Variants in SPTBN4 observed in about 807,000 individuals in gnomAD.
SPTBN4 encodes spectrin beta, non-erythrocytic 4, also known as spectrin beta chain, non-erythrocytic 4.
SPTBN4 carries 96 observed loss-of-function variants against 277.8 expected under a neutral mutation model. The observed-to-expected ratio is 0.35, with a 90% CI of 0.29 to 0.41. The LOEUF is 0.41. SPTBN4 is among the 10% of genes least tolerant of loss of function. SPTBN4 has a pLI of 1.00. For synonymous variants in SPTBN4, 1,481 were observed against 1,580.3 expected, an observed-to-expected ratio of 0.94 and a Z score of 1.49; for missense variants, 3,006 against 3,595.7, an observed-to-expected ratio of 0.84 and a Z score of 4.19.
At chr19:40,558,498 G>A (rs1376485065) in intron 26 of SPTBN4, among the ~76,000 whole-genome samples, 1 of 152,226 alleles carries the variant, frequency 6.6e-6, no homozygotes, top group Non-Finnish European at 1.5e-5. Context: ...GAATTCGGAT[G>A]TGGATCTGAG....
chr19:40,548,657 G>A (rs2080883393), intron 20 of SPTBN4, among the ~76,000 whole-genome samples: 1 of 151,676 alleles, frequency 6.6e-6, no homozygotes, highest in African/African-American at 2.4e-5. Flanking sequence ...GAAGGTTGCA[G>A]TGAGCCAAGA....
In SPTBN4 at chr19:40,512,763, C is replaced by G; in HGVS notation, c.1974C>G (p.Ser658Arg). ...ALLQELEEAESWARDKERLLE... is the reference protein window; with the variant it reads ...ALLQELEEAERWARDKERLLE... ...TGCAGGAGCTGGAGGAGGCCGAGAG[C>G]TGGGCGCGCGACAAGGAGCGTCTCC... The change falls in exon 14 of 36, where the codon AGC (serine) becomes AGG (arginine). Residue 658 changes from serine to arginine, a missense_variant. Coordinates refer to ENST00000598249, the MANE Select transcript of SPTBN4 (RefSeq NM_020971.3). The G allele has an allele frequency of 6.6e-7, 1 of 1,509,448 alleles. No individual in the cohort carries two copies. Among genetic ancestry groups the G allele is most frequent in the Non-Finnish European group, 8.8e-7 (1 of 1,137,556 alleles). 93.5% of individuals were successfully genotyped at this position (1,509,448 alleles called of 1,614,324 possible).
chr19:40,471,012 T>C (rs1442396022), intron 1 of SPTBN4, among the ~76,000 whole-genome samples: 1 of 151,502 alleles, frequency 6.6e-6, no homozygotes, highest in Non-Finnish European at 1.5e-5. Flanking sequence ...TGCATTGGCA[T>C]GATCTCGGCT....
chr19:40,492,835 C>T, intron 4 of SPTBN4, 128 bp from the exon 5 acceptor site: 1 of 711,572 alleles, frequency 1.4e-6, no homozygotes, highest in Non-Finnish European at 2.4e-6. Flanking sequence ...ACCCCCACCC[C>T]CAGCCAGAAG....
At chr19:40,524,013 G>A (rs1346921147) in intron 17 of SPTBN4, among the ~76,000 whole-genome samples, 1 of 151,844 alleles carries the variant, frequency 6.6e-6, no homozygotes, top group Non-Finnish European at 1.5e-5. Context: ...ATGTTGGCCA[G>A]ACTGGTCTTG....
At chr19:40,543,981 TC>T in intron 20 of SPTBN4, among the ~76,000 whole-genome samples, 1 of 152,328 alleles carries the variant, frequency 6.6e-6, no homozygotes, top group African/African-American at 2.4e-5. Flanking sequence ...TCATCCCTGT[TC>T]CCCATTCATT....
At chr19:40,486,325 A>T (rs913873136) in intron 2 of SPTBN4, among the ~76,000 whole-genome samples, 1 of 151,914 alleles carries the variant, frequency 6.6e-6, no homozygotes, top group Non-Finnish European at 1.5e-5. Context: ...GGAAACAGCA[A>T]GTGTTGGCAA....
In SPTBN4 at chr19:40,506,369, G is replaced by A. The variant is rs373136536; in HGVS notation, c.1799G>A (p.Arg600His). The A allele has an allele frequency of 2.8e-5, 45 of 1,612,260 alleles. No individual in the cohort carries two copies. Among genetic ancestry groups the A allele is most frequent in the South Asian group, 8.8e-5 (8 of 90,840 alleles). The change falls in exon 13 of 36, where the codon CGC becomes CAC. Residue 600 changes from arginine to histidine, a missense_variant. Physicochemically the swap from Arg to His is conservative, Grantham distance 29. Coordinates refer to ENST00000598249, the MANE Select transcript of SPTBN4 (RefSeq NM_020971.3). ...GAGGCTCTCAATGCCGCTGCCCTGC[G>A]CTTCTCCCAGCTGCAGGGTGAGTCT... ...RVEALNAAALRFSQLQGYQPC... is the reference protein window; with the variant it reads ...RVEALNAAALHFSQLQGYQPC...
At chr19:40,565,348 C>G (rs2081081158) in intron 27 of SPTBN4, 75 bp from the exon 28 acceptor site, 1 of 1,531,756 alleles carries the variant, frequency 6.5e-7, no homozygotes, top group Non-Finnish European at 8.8e-7. Context: ...GATTTGGGGT[C>G]ACCAGGAGCC....
intron 30 of SPTBN4, chr19:40,566,985 A>C (rs1231867509): frequency 1.1e-5 from 3 of 269,832 alleles, no homozygotes; most frequent in Non-Finnish European, 2.3e-5. Flanking sequence ...AAAAAAAAAC[A>C]ACAAAAAAAA....
At chr19:40,565,318 T>G (rs2081080859) in intron 27 of SPTBN4, 105 bp from the exon 28 acceptor site, 3 of 1,313,768 alleles carry the variant, frequency 2.3e-6, no homozygotes, top group Non-Finnish European at 3.2e-6. Flanking sequence ...CTTGAGGTGG[T>G]ATGGGATGTC....
In SPTBN4 at chr19:40,512,672, A is replaced by G; in HGVS notation, c.1883A>G (p.Glu628Gly). 2 of 1,533,764 alleles carry G rather than the reference A, an allele frequency of 1.3e-6. No individual in the cohort carries two copies. Among genetic ancestry groups the G allele is most frequent in the Non-Finnish European group, 1.7e-6 (2 of 1,147,090 alleles). ...AACCACGTGCACGGCTGCCTGGCGG[A>G]GCTGCAGGAGCAGGCAGCGCGGCGA... ...RVNHVHGCLA[E>G]LQEQAARRRA... Residue 628 changes from glutamate (E) to glycine (G), a missense_variant, in exon 14 of 36, where the codon GAG (glutamate) becomes GGG (glycine). Physicochemically the swap from Glu to Gly is moderately conservative, Grantham distance 98. Around this residue, in one of 5 missense-constraint regions of SPTBN4, gnomAD observed 1,759 missense variants for 2,061.5 expected, o/e 0.85. Transcript: ENST00000598249.
chr19:40,490,090 G>T lies in SPTBN4; in HGVS notation c.337G>T (p.Gly113Cys), dbSNP rs2080120318. 6.2e-7 allele frequency: 1 copy of T among 1,610,784 alleles called. No individual in the cohort carries two copies. Among genetic ancestry groups the T allele is most frequent in the African/African-American group, 1.3e-5 (1 of 74,836 alleles). Reference sequence around the variant, plus strand: ...GTCGCCCTAGCCCAGGCCCACGCGCGGCCGCATGCGGATCCACTCACTGGA... The same window carrying T: ...GTCGCCCTAGCCCAGGCCCACGCGCTGCCGCATGCGGATCCACTCACTGGA... ...SGEQLPRPTR[G>C]RMRIHSLENV... The change falls in exon 4 of 36, where the codon GGC (glycine) becomes TGC (cysteine). Residue 113 changes from glycine (G) to cysteine (C), a missense_variant. Physicochemically the swap from Gly to Cys is radical, Grantham distance 159. This residue lies in a region of SPTBN4 where 114 missense variants were observed against 196.1 expected (regional missense o/e 0.58). Coordinates refer to ENST00000598249, the MANE Select transcript of SPTBN4 (RefSeq NM_020971.3). This position sits in a 1 kb window ranked among gnomAD's most constrained non-coding sequence, Gnocchi z 4.3.
At position 40,512,901 on chromosome 19, in the gene SPTBN4, G is replaced by T. The variant is rs761126761; in HGVS notation, c.2112G>T (p.Leu704=). ...TARLLAQHKI[L]QGELGGRRAL... is the part of the protein sequence containing the mutation. ...GCCTCCTGGCCCAGCACAAGATCCTGCAGGGCGAGCTGGGCGGGCGGCGAG... is the reference window on the plus strand; with the variant it reads ...GCCTCCTGGCCCAGCACAAGATCCTTCAGGGCGAGCTGGGCGGGCGGCGAG... The change falls in exon 14 of 36, where the codon CTG becomes CTT. Residue 704 remains leucine, a synonymous_variant. Coordinates refer to ENST00000598249, the MANE Select transcript of SPTBN4 (RefSeq NM_020971.3). 7.0e-7 allele frequency: 1 copy of T among 1,433,504 alleles called. No homozygotes were observed. The highest frequency in any genetic ancestry group is 9.1e-7 in the Non-Finnish European group (1 of 1,104,408). The allele number at this position is 1,433,504 out of a possible 1,614,324, so 88.8% of individuals were successfully genotyped here. A position where few individuals can be genotyped will look rare whatever the true frequency, so the allele number is the denominator to read the frequency against.
At chr19:40,522,030 T>C (rs1292003329) in intron 16 of SPTBN4, among the ~76,000 whole-genome samples, 3 of 152,070 alleles carry the variant, frequency 2.0e-5, no homozygotes, top group Non-Finnish European at 4.4e-5. Flanking sequence ...CCCAGTTTAG[T>C]TGTCTTCTTT....
chr19:40,538,732 C>T lies in SPTBN4; in HGVS notation c.4359+4389C>T, dbSNP rs369636098. Among the ~76,000 whole-genome samples the T allele has an allele frequency of 1.7e-3, 262 of 152,224 alleles. 2 individuals are homozygous for T. Among genetic ancestry groups the T allele is most frequent in the South Asian group, 4.6e-3 (22 of 4,822 alleles). The stretch of plus-strand genomic sequence containing the variant: ...CCTCCTGAGTAGCTGGGACTACAAG[C>T]GTGTGCCACCACGCCCAGATAATTT... On this transcript the variant is annotated intron_variant, in intron 20 of 35. Transcript: ENST00000598249.
chr19:40,567,052 C>T (rs552456240), intron 30 of SPTBN4: 11 of 447,754 alleles, frequency 2.5e-5, no homozygotes, highest in South Asian at 1.6e-4. Context: ...GAAGCCTAGG[C>T]GGGAGGATCA....
intron 27 of SPTBN4, among the ~76,000 whole-genome samples, chr19:40,562,055 G>A (rs1166639277): frequency 6.6e-6 from 1 of 152,102 alleles, no homozygotes; most frequent in African/African-American, 2.4e-5. Context: ...GTGAGGAAAA[G>A]CTAGAGATCA....
intron 12 of SPTBN4, among the ~76,000 whole-genome samples, chr19:40,505,538 C>T (rs1184373723): frequency 6.6e-6 from 1 of 151,890 alleles, no homozygotes; most frequent in Non-Finnish European, 1.5e-5. Flanking sequence ...CTAAAAAATA[C>T]AAAAATTAGC....
Sources: allele counts gnomAD v4.1 joint callset (sites outside exome capture counted in the v4.1 genomes callset), GRCh38; gene constraint gnomAD v4.1.1; regional missense constraint gnomAD v4.1.1; non-coding constraint Gnocchi (gnomAD v3.1); transcripts MANE v1.5; gene names NCBI Gene and HGNC (gene_info 2026-07-23, HGNC 2026-07-21).